The following SLC8A1 variants were observed in gnomAD, a reference collection of about 807,000 sequenced individuals.
SLC8A1 encodes sodium/calcium exchanger 1.
A neutral mutation model predicts 68.3 loss-of-function variants in SLC8A1; 18 were observed. That is an observed-to-expected ratio of 0.26 (90% CI 0.18 to 0.39). SLC8A1 has a LOEUF of 0.39. Among genes scored for constraint, SLC8A1 ranks in the 10% least tolerant of loss-of-function variants. The pLI is 1.00. For synonymous variants in SLC8A1, 475 were observed against 415.5 expected, an observed-to-expected ratio of 1.14 and a Z score of -1.74; for missense variants, 985 against 1,156.7, an observed-to-expected ratio of 0.85 and a Z score of 2.15.
chr2:40,371,774 C>T (rs746332532), intron 2 of SLC8A1, among the ~76,000 whole-genome samples: 2 of 152,074 alleles, frequency 1.3e-5, no homozygotes, highest in Non-Finnish European at 2.9e-5. Context: ...TTGATCATAT[C>T]CTCTGGAAAC....
chr2:40,156,694 C>A (rs1320979364), intron 6 of SLC8A1, among the ~76,000 whole-genome samples: 2 of 151,806 alleles, frequency 1.3e-5, no homozygotes, highest in African/African-American at 4.8e-5. Context: ...AAAAACATTT[C>A]TATTTCAAGC....
intron 2 of SLC8A1, among the ~76,000 whole-genome samples, chr2:40,377,726 G>A (rs1035260883): frequency 2.0e-5 from 3 of 152,078 alleles, no homozygotes; most frequent in African/African-American, 7.2e-5. Context: ...GGAGCTGGAA[G>A]CACTGCAGAT....
intron 6 of SLC8A1, among the ~76,000 whole-genome samples, chr2:40,159,069 C>G (rs1217428680): frequency 2.0e-5 from 3 of 152,142 alleles, no homozygotes; most frequent in Non-Finnish European, 4.4e-5. Context: ...GTAAACCACT[C>G]CTCTGCTAGA....
intron 2 of SLC8A1, among the ~76,000 whole-genome samples, chr2:40,330,188 A>G (rs2076272272): frequency 6.6e-6 from 1 of 152,210 alleles, no homozygotes. Flanking sequence ...ACTTCTGATC[A>G]TTAGAAGGTA....
intron 2 of SLC8A1, among the ~76,000 whole-genome samples, chr2:40,266,496 T>A (rs751671362): frequency 6.6e-6 from 1 of 152,174 alleles, no homozygotes; most frequent in East Asian, 1.9e-4. Flanking sequence ...TCTTAGACCA[T>A]TGGAATGAGC....
rs56977522 is a variant in SLC8A1 at position 40,122,236 on chromosome 2, G to GCACACACA, written c.2438-6615_2438-6608dup. The stretch of plus-strand genomic sequence containing the variant: ...CACACACACACACACGTGTGCGCGC[G>GCACACACA]CACACACACACACACACTTCACTGG... On this transcript the variant is annotated intron_variant, in intron 7 of 7. Coordinates refer to ENST00000406785, the Ensembl canonical transcript of SLC8A1. Among the ~76,000 whole-genome samples the GCACACACA allele has an allele frequency of 1.5e-3, 230 of 149,492 alleles. 2 individuals are homozygous for GCACACACA. The highest frequency in any genetic ancestry group is 5.5e-3 in the African/African-American group (222 of 40,218).
intron 2 of SLC8A1, among the ~76,000 whole-genome samples, chr2:40,198,867 G>A (rs2053592537): frequency 6.6e-6 from 1 of 151,620 alleles, no homozygotes; most frequent in Non-Finnish European, 1.5e-5. Context: ...CAGGGTTGAA[G>A]GGTTGGCTTG....
intron 2 of SLC8A1, among the ~76,000 whole-genome samples, chr2:40,410,220 G>C (rs1034102246): frequency 6.6e-6 from 1 of 151,984 alleles, no homozygotes; most frequent in Non-Finnish European, 1.5e-5. Context: ...GCAATGAAAG[G>C]ATGTAATGAA....
chr2:40,410,825 C>G (rs1691893092), intron 2 of SLC8A1, among the ~76,000 whole-genome samples: 1 of 151,988 alleles, frequency 6.6e-6, no homozygotes, highest in South Asian at 2.1e-4. Context: ...TCTTGTGATA[C>G]TTACCATAGC....
intron 2 of SLC8A1, among the ~76,000 whole-genome samples, chr2:40,287,460 C>T (rs570680361): frequency 6.6e-5 from 10 of 152,060 alleles, no homozygotes; most frequent in Non-Finnish European, 1.3e-4. Context: ...AGCATGCAAA[C>T]TCATGATGTT....
chr2:40,237,250 C>G (rs1453132794), intron 2 of SLC8A1, among the ~76,000 whole-genome samples: 1 of 152,160 alleles, frequency 6.6e-6, no homozygotes, highest in Non-Finnish European at 1.5e-5. Flanking sequence ...ACCAATCAGA[C>G]GTAGATTTGG....
chr2:40,429,062 T>C, exon 2 of SLC8A1: 1 of 1,612,052 alleles, frequency 6.2e-7, no homozygotes, highest in Non-Finnish European at 8.5e-7. Context: ...AAGATCTTAC[T>C]AACAGGGTCA....
chr2:40,283,147 A>C (rs2067767464), intron 2 of SLC8A1, among the ~76,000 whole-genome samples: 1 of 152,228 alleles, frequency 6.6e-6, no homozygotes, highest in Admixed American at 6.5e-5. Flanking sequence ...CACTCTGTTA[A>C]AATAAAATAA....
intron 2 of SLC8A1, chr2:40,251,901 A>C (rs2062813940): frequency 6.6e-6 from 1 of 152,354 alleles, no homozygotes; most frequent in African/African-American, 2.4e-5. Flanking sequence ...TATTATGAAT[A>C]AAGTCCGTGT....
At chr2:40,293,412 T>C (rs2069710565) in intron 2 of SLC8A1, among the ~76,000 whole-genome samples, 1 of 152,214 alleles carries the variant, frequency 6.6e-6, no homozygotes, top group Non-Finnish European at 1.5e-5. Context: ...AAGTTGTATA[T>C]TGATGCTGCT....
At chr2:40,277,227 C>CTGTT (rs1162694327) in intron 2 of SLC8A1, among the ~76,000 whole-genome samples, 1 of 141,250 alleles carries the variant, frequency 7.1e-6, no homozygotes, top group Non-Finnish European at 1.6e-5. Context: ...CTCTCTATGC[C>CTGTT]TGTTTTTTTT....
rs543459362 is a variant in SLC8A1, at chr2:40,274,207, C to T, written c.1809-96352G>A. On this transcript the variant is annotated intron_variant, in intron 2 of 7. Transcript: ENST00000406785. The stretch of plus-strand genomic sequence containing the variant: ...TCTAGCTGTTTGTTCTCCATGATCA[C>T]ATTTGCATACTAGATTTCTACCAAG... Among the ~76,000 whole-genome samples, 5 of 148,100 alleles carry T rather than the reference C, an allele frequency of 3.4e-5. No homozygotes were observed. In the South Asian group the frequency reaches 1.1e-3, roughly 33 times the overall value.
Position 40,480,020 on chromosome 2 carries a change from G to GA in SLC8A1, c.-25+32328dup, listed in dbSNP as rs1327939196. ...CCACAGTGACTTGATTTTACTGCAG[G>GA]ATGGGACTAACACAGGTCAAGAAAA... On this transcript the variant is annotated intron_variant, in intron 1 of 7. Coordinates refer to the SLC8A1 transcript ENST00000402441. Among the ~76,000 whole-genome samples the GA allele has an allele frequency of 2.6e-5, 4 of 152,062 alleles. No individual in the cohort carries two copies. In the East Asian group the frequency reaches 7.7e-4, roughly 29 times the overall value.
chr2:40,263,691 C>A (rs1024840629), intron 2 of SLC8A1, among the ~76,000 whole-genome samples: 1 of 152,078 alleles, frequency 6.6e-6, no homozygotes, highest in Admixed American at 6.6e-5. Flanking sequence ...CCCTTCCTGA[C>A]ACCTTATACA....
Sources: allele counts gnomAD v4.1 joint callset (sites outside exome capture counted in the v4.1 genomes callset), GRCh38; gene constraint gnomAD v4.1.1; transcripts MANE v1.5; gene names NCBI Gene and HGNC (gene_info 2026-07-23, HGNC 2026-07-21).